MAD1L1: variants seen among roughly 807,000 people sequenced by gnomAD.
MAD1L1 encodes mitotic spindle assembly checkpoint protein MAD1.
In MAD1L1, 95 loss-of-function variants were observed where a neutral mutation model predicts 96.9. The ratio of observed to expected loss-of-function variants is 0.98; its 90% CI spans 0.83 to 1.16. The LOEUF is 1.16. MAD1L1 is among the 50% of genes most tolerant of loss of function. The pLI, the probability that MAD1L1 is intolerant of heterozygous loss-of-function variation, is 0.00. For synonymous variants in MAD1L1, 473 were observed against 396.6 expected (o/e 1.19, Z -2.29); for missense variants, 1,007 against 954.4 (o/e 1.06, Z -0.73).
intron 3 of MAD1L1, 162 bp from the exon 4 acceptor site, chr7:2,225,712 G>A: frequency 2.8e-6 from 2 of 709,094 alleles, no homozygotes; most frequent in East Asian, 5.5e-5. Context: ...GGGGAACAGG[G>A]GAGGGGCAGG....
At chr7:1,859,418 A>G (rs1180609718) in intron 18 of MAD1L1, among the ~76,000 whole-genome samples, 1 of 152,210 alleles carries the variant, frequency 6.6e-6, no homozygotes, top group East Asian at 1.9e-4. Flanking sequence ...CCACAGGGAT[A>G]TGTGTTTCGG....
chr7:1,929,451 T>C lies in MAD1L1; in HGVS notation c.1807+7236A>G, dbSNP rs139071883. On this transcript the variant is annotated intron_variant, in intron 17 of 18. Coordinates refer to ENST00000265854, the MANE Select transcript of MAD1L1 (RefSeq NM_001013836.2). ...CAGAGCCAGCACGGGAGGCCGGGCT[T>C]TGGGGCTCCTATCCGCCAAGGGCCC... 4.0e-3 allele frequency among the ~76,000 whole-genome samples: 616 copies of C among 152,218 alleles called. 5 individuals carry two copies. Among genetic ancestry groups the C allele is most frequent in the African/African-American group, 0.014 (564 of 41,522 alleles).
At chr7:2,052,192 C>T (rs949819529) in intron 12 of MAD1L1, among the ~76,000 whole-genome samples, 1 of 152,150 alleles carries the variant, frequency 6.6e-6, no homozygotes, top group Non-Finnish European at 1.5e-5. Flanking sequence ...AGAACCCTAT[C>T]GTCCTCGCCA....
At chr7:2,004,520 C>G (rs919207135) in intron 13 of MAD1L1, among the ~76,000 whole-genome samples, 4 of 152,220 alleles carry the variant, frequency 2.6e-5, no homozygotes, top group African/African-American at 9.6e-5. Context: ...CCGGAAGCAG[C>G]AGGGCTGAGA....
At chr7:1,967,711 G>A (rs1647108483) in intron 15 of MAD1L1, among the ~76,000 whole-genome samples, 1 of 152,250 alleles carries the variant, frequency 6.6e-6, no homozygotes, top group Admixed American at 6.5e-5. Context: ...GTGCCAGAGA[G>A]TGAGGAAGGG....
intron 17 of MAD1L1, among the ~76,000 whole-genome samples, chr7:1,930,580 G>A (rs576840153): frequency 9.0e-5 from 11 of 121,836 alleles, no homozygotes; most frequent in South Asian, 3.0e-4. Context: ...TCACCGCTGC[G>A]TCCCCTCGCC....
chr7:2,005,339 C>T (rs948733067), intron 13 of MAD1L1, among the ~76,000 whole-genome samples: 3 of 152,198 alleles, frequency 2.0e-5, no homozygotes, highest in Non-Finnish European at 4.4e-5. Flanking sequence ...TCTGTGTCTT[C>T]GCCTGCATTA....
At chr7:2,066,098 G>A (rs1167197807) in intron 12 of MAD1L1, among the ~76,000 whole-genome samples, 9 of 152,202 alleles carry the variant, frequency 5.9e-5, no homozygotes, top group South Asian at 2.1e-4. Context: ...GACTAGAGCC[G>A]TTTAATAAAG....
At chr7:1,983,050 T>C (rs916681926) in intron 14 of MAD1L1, among the ~76,000 whole-genome samples, 1 of 152,146 alleles carries the variant, frequency 6.6e-6, no homozygotes, top group African/African-American at 2.4e-5. Flanking sequence ...ATTTCACTCG[T>C]GACATGTTAA....
intron 14 of MAD1L1, among the ~76,000 whole-genome samples, chr7:1,988,719 G>A (rs368177190): frequency 7.2e-5 from 11 of 152,324 alleles, no homozygotes; most frequent in African/African-American, 2.2e-4. Flanking sequence ...GTGATCCCAC[G>A]GCAAAAGCCT....
rs754322859 is a variant in MAD1L1 at position 2,006,701 on chromosome 7, G to A, written c.1360-4580C>T. 8.6e-5 allele frequency among the ~76,000 whole-genome samples: 13 copies of A among 151,948 alleles called. No homozygotes were observed. In the South Asian group the frequency reaches 1.7e-3, roughly 19 times the overall value. ...AGACAGGACATCACTAAACCCGCAC[G>A]GCCCAGCACAGGAGAGGCGAGGCAG... is the stretch of plus-strand genomic sequence containing the variant. On this transcript the variant is annotated intron_variant, in intron 13 of 18. Transcript: ENST00000265854.
Position 2,225,567 on chromosome 7 carries a change from C to G in MAD1L1, c.151-17G>C, listed in dbSNP as rs771242505. The G allele has an allele frequency of 1.9e-6, 3 of 1,611,296 alleles. No homozygotes were observed. The highest frequency in any genetic ancestry group is 2.5e-6 in the Non-Finnish European group (3 of 1,179,756). ...TTCCTCCAGCTGAGCAGGTCGCACC[C>G]AAAGAAAAACAGAATCCTCAGTGAC... On this transcript the variant is annotated splice_polypyrimidine_tract_variant and intron_variant, in intron 3 of 18. Coordinates refer to ENST00000265854, the MANE Select transcript of MAD1L1 (RefSeq NM_001013836.2).
chr7:2,039,113 G>A (rs1695393596), intron 12 of MAD1L1, among the ~76,000 whole-genome samples: 1 of 152,154 alleles, frequency 6.6e-6, no homozygotes, highest in South Asian at 2.1e-4. Context: ...CATGCAAATG[G>A]GATCATGCAG....
chr7:2,145,527 A>G (rs1272469734), intron 11 of MAD1L1, among the ~76,000 whole-genome samples: 2 of 152,246 alleles, frequency 1.3e-5, no homozygotes, highest in East Asian at 1.9e-4. Context: ...GGTCAAAACT[A>G]TAGCTCAATG....
rs1429720238 is a variant in MAD1L1 at position 2,085,857 on chromosome 7, GT to G, written c.1074-16520del. Among the ~76,000 whole-genome samples the G allele has an allele frequency of 2.0e-5, 3 of 152,224 alleles. No individual in the cohort carries two copies. The East Asian group carries it at 5.8e-4, about 29-fold the overall frequency. On this transcript the variant is annotated intron_variant, in intron 11 of 18. Transcript: ENST00000265854. ...AGAAGGGAAGTTGCTGGGTCATCCA[GT>G]GACCGCCTAACCTCTGAAGACCCAC...
intron 11 of MAD1L1, among the ~76,000 whole-genome samples, chr7:2,132,841 G>A (rs541591808): frequency 6.6e-6 from 1 of 152,334 alleles, no homozygotes; most frequent in South Asian, 2.1e-4. Context: ...ATCTCAGGTT[G>A]ACAACTGATC....
intron 14 of MAD1L1, among the ~76,000 whole-genome samples, chr7:2,000,221 C>T (rs188494146): frequency 2.0e-5 from 3 of 152,240 alleles, no homozygotes; most frequent in Admixed American, 6.5e-5. Context: ...CCAGCCCTCA[C>T]GCTCTCTACC....
At chr7:1,861,306 C>T (rs529021402) in intron 18 of MAD1L1, among the ~76,000 whole-genome samples, 1 of 152,336 alleles carries the variant, frequency 6.6e-6, no homozygotes, top group South Asian at 2.1e-4. Flanking sequence ...ATGGCTCCAC[C>T]TGGCTGAAGC....
intron 18 of MAD1L1, among the ~76,000 whole-genome samples, chr7:1,882,508 T>G (rs1403968423): frequency 6.6e-6 from 1 of 152,178 alleles, no homozygotes; most frequent in Non-Finnish European, 1.5e-5. Flanking sequence ...CGGGCCGTGT[T>G]TGACGTTGCT....
Sources: allele counts gnomAD v4.1 joint callset (sites outside exome capture counted in the v4.1 genomes callset), GRCh38; gene constraint gnomAD v4.1.1; transcripts MANE v1.5; gene names NCBI Gene and HGNC (gene_info 2026-07-23, HGNC 2026-07-21).